The following ZC3H12B variants were observed in gnomAD, a reference collection of about 807,000 sequenced individuals.
The protein encoded by ZC3H12B is zinc finger CCCH-type containing 12B.
Under a neutral mutation model 43.9 loss-of-function variants are expected in ZC3H12B, and 7 were observed. The observed-to-expected ratio is 0.16, with a 90% CI of 0.09 to 0.30. The LOEUF is 0.30. Ranked by LOEUF, ZC3H12B falls within the 10% of genes least tolerant of loss-of-function variation. The pLI is 1.00. For synonymous variants in ZC3H12B, 222 were observed against 241.7 expected, an observed-to-expected ratio of 0.92 and a Z score of 0.76; for missense variants, 475 against 670.2, an observed-to-expected ratio of 0.71 and a Z score of 3.22.
At chrX:65,144,945 A>G in the ZC3H12B span, among the ~76,000 whole-genome samples, 1 of 111,866 alleles carries the variant, frequency 8.9e-6, no homozygotes, top group African/African-American at 3.2e-5. Flanking sequence ...TATATTCTGC[A>G]GTTGTTGAAT....
At chrX:65,387,086 T>C (rs1465722584) in intron 2 of ZC3H12B, among the ~76,000 whole-genome samples, 1 of 111,964 alleles carries the variant, frequency 8.9e-6, no homozygotes, top group East Asian at 2.8e-4. Flanking sequence ...AATTTTGGAA[T>C]AAGTGCAGTG....
the ZC3H12B span, among the ~76,000 whole-genome samples, chrX:65,053,507 T>C: frequency 1.8e-5 from 2 of 111,809 alleles, no homozygotes; most frequent in Admixed American, 9.5e-5. Context: ...CAATCTATCA[T>C]TGTTGGACAT....
chrX:65,259,609 T>A, the ZC3H12B span, among the ~76,000 whole-genome samples: 4 of 112,127 alleles, frequency 3.6e-5, no homozygotes, highest in African/African-American at 1.3e-4. Flanking sequence ...GAAATACTTT[T>A]ACACTGTTGA....
At chrX:65,057,982 G>A in the ZC3H12B span, among the ~76,000 whole-genome samples, 2 of 111,402 alleles carry the variant, frequency 1.8e-5, no homozygotes, top group Non-Finnish European at 3.8e-5. Context: ...TTAGCCATTC[G>A]TCCAATATTT....
chrX:65,167,253 C>G, the ZC3H12B span, among the ~76,000 whole-genome samples: 1 of 111,979 alleles, frequency 8.9e-6, no homozygotes, highest in Non-Finnish European at 1.9e-5. Context: ...TTTCAGCTTT[C>G]TACATATGGC....
At chrX:65,203,728 T>C in the ZC3H12B span, among the ~76,000 whole-genome samples, 6 of 111,649 alleles carry the variant, frequency 5.4e-5, no homozygotes, top group Admixed American at 9.5e-5. Context: ...ACTGTCTTGG[T>C]CACCCTGGCT....
chrX:65,298,565 G>T, the ZC3H12B span, among the ~76,000 whole-genome samples: 1 of 111,078 alleles, frequency 9.0e-6, no homozygotes. Flanking sequence ...GTTAAAAATG[G>T]AACTACCATA....
the ZC3H12B span, among the ~76,000 whole-genome samples, chrX:65,281,997 T>C: frequency 7.2e-5 from 8 of 111,876 alleles, no homozygotes; most frequent in South Asian, 3.0e-3. Flanking sequence ...TAAAGAATGA[T>C]TTAAAAATAT....
chrX:65,454,066 C>T (rs1167275655), intron 3 of ZC3H12B, among the ~76,000 whole-genome samples: 8 of 112,251 alleles, frequency 7.1e-5, no homozygotes, highest in South Asian at 3.7e-4. Context: ...GCGTGAGTGA[C>T]GCAGAAGACA....
At chrX:65,472,691 G>A (rs1465626611) in intron 3 of ZC3H12B, among the ~76,000 whole-genome samples, 3 of 105,675 alleles carry the variant, frequency 2.8e-5, no homozygotes, top group Non-Finnish European at 5.8e-5. Flanking sequence ...TTTCCCCATT[G>A]TGCATTCTTG....
At chrX:65,174,771 G>A in the ZC3H12B span, among the ~76,000 whole-genome samples, 1 of 111,943 alleles carries the variant, frequency 8.9e-6, no homozygotes. Context: ...TGTGCTCGCA[G>A]TGAGAATTTC....
At chrX:65,196,959 G>T in the ZC3H12B span, among the ~76,000 whole-genome samples, 1 of 111,358 alleles carries the variant, frequency 9.0e-6, no homozygotes, top group Non-Finnish European at 1.9e-5. Context: ...AAGCGATCAG[G>T]TACCTAAAGG....
chrX:65,483,584 C>T (rs1018059732), intron 3 of ZC3H12B, among the ~76,000 whole-genome samples: 5 of 111,587 alleles, frequency 4.5e-5, no homozygotes, highest in African/African-American at 1.6e-4. Context: ...TAAGTCATAA[C>T]ATCTCAAAAC....
chrX:65,452,098 T>C (rs2148152002), intron 3 of ZC3H12B, among the ~76,000 whole-genome samples: 1 of 111,715 alleles, frequency 9.0e-6, no homozygotes, highest in East Asian at 2.8e-4. Context: ...TAATGGGATT[T>C]CTATTCCCCC....
At chrX:65,426,297 T>C (rs922787459) in intron 3 of ZC3H12B, among the ~76,000 whole-genome samples, 19 of 106,714 alleles carry the variant, frequency 1.8e-4, no homozygotes, top group African/African-American at 5.8e-4. Context: ...GTGGTGTCAG[T>C]GGTGATATCC....
intron 3 of ZC3H12B, among the ~76,000 whole-genome samples, chrX:65,452,300 A>G (rs1261237127): frequency 9.0e-6 from 1 of 111,588 alleles, no homozygotes; most frequent in Non-Finnish European, 1.9e-5. Flanking sequence ...CACCTCCAAA[A>G]AGCTGCTAGA....
At chrX:65,316,762 C>A in the ZC3H12B span, among the ~76,000 whole-genome samples, 1 of 111,588 alleles carries the variant, frequency 9.0e-6, no homozygotes, top group Non-Finnish European at 1.9e-5. Context: ...AATCAGGTAA[C>A]AACACAATGA....
chrX:65,424,516 G>C (rs979732719), intron 3 of ZC3H12B, among the ~76,000 whole-genome samples: 1 of 112,149 alleles, frequency 8.9e-6, no homozygotes, highest in Non-Finnish European at 1.9e-5. Context: ...ATTGCTTTTG[G>C]TGTCTTTGTC....
the ZC3H12B span, among the ~76,000 whole-genome samples, chrX:65,220,195 A>G: frequency 8.9e-6 from 1 of 111,983 alleles, no homozygotes; most frequent in Non-Finnish European, 1.9e-5. Flanking sequence ...GAACCTGCTA[A>G]AAGGAGCTCT....
Sources: allele counts gnomAD v4.1 joint callset (sites outside exome capture counted in the v4.1 genomes callset), GRCh38; gene constraint gnomAD v4.1.1; transcripts MANE v1.5; gene names NCBI Gene and HGNC (gene_info 2026-07-23, HGNC 2026-07-21).